SHISA6: variants seen among roughly 807,000 people sequenced by gnomAD.
SHISA6 encodes the protein protein shisa-6.
Under a neutral mutation model 47.9 loss-of-function variants are expected in SHISA6, and 22 were observed. The ratio of observed to expected loss-of-function variants is 0.46; its 90% CI spans 0.33 to 0.66. SHISA6 has a LOEUF of 0.66. SHISA6 is among the 30% of genes least tolerant of loss of function. The pLI, the probability that SHISA6 is intolerant of heterozygous loss-of-function variation, is 0.02. For synonymous variants in SHISA6, 388 were observed against 337.8 expected, an observed-to-expected ratio of 1.15 and a Z score of -1.63; for missense variants, 680 against 764.6, an observed-to-expected ratio of 0.89 and a Z score of 1.30.
At chr17:11,450,004 C>T (rs28676477) in intron 3 of SHISA6, among the ~76,000 whole-genome samples, 34,633 of 152,088 alleles carry the variant, frequency 0.23, 4,182 homozygotes, top group South Asian at 0.34. Context: ...CCTGCGTCAG[C>T]CTCCCAAGTA....
At position 11,260,506 on chromosome 17, in the gene SHISA6, C is replaced by T. The variant is rs557776904; in HGVS notation, c.639-2860C>T. Among the ~76,000 whole-genome samples the T allele has an allele frequency of 2.4e-3, 359 of 152,052 alleles. 1 individual carries two copies. The highest frequency in any genetic ancestry group is 7.8e-3 in the African/African-American group (324 of 41,454). On this transcript the variant is annotated intron_variant, in intron 1 of 5. Transcript: ENST00000441885. ...CTCTCTCCGTCTGACTCTTCCCCTC[C>T]GAATGTCTCTCTCTGACCCCCTTTC...
rs115574864 is a variant in SHISA6 at position 11,330,628 on chromosome 17, G to T, written c.800-48786G>T. On this transcript the variant is annotated intron_variant, in intron 2 of 5. Coordinates refer to ENST00000441885, the MANE Select transcript of SHISA6 (RefSeq NM_207386.4). ...GATGCAGACAAATCACCTTCCCTGA[G>T]CTTCCCTGGGGTCCAAGTTAAAAGG... Among the ~76,000 whole-genome samples, 267 of 152,240 alleles carry T rather than the reference G, an allele frequency of 1.8e-3. 2 individuals are homozygous for T. Among genetic ancestry groups the T allele is most frequent in the African/African-American group, 6.2e-3 (257 of 41,542 alleles).
intron 2 of SHISA6, among the ~76,000 whole-genome samples, chr17:11,269,043 TG>T (rs1240082282): frequency 4.3e-5 from 6 of 139,524 alleles, no homozygotes; most frequent in African/African-American, 1.9e-4. Flanking sequence ...TTTGTTTGTC[TG>T]TTTTGTTTTT....
chr17:11,476,152 T>G (rs1355366277), intron 3 of SHISA6, among the ~76,000 whole-genome samples: 4 of 152,086 alleles, frequency 2.6e-5, no homozygotes, highest in Non-Finnish European at 5.9e-5. Flanking sequence ...CTTTCTAGTA[T>G]TAGTGATTTG....
intron 1 of SHISA6, among the ~76,000 whole-genome samples, chr17:11,251,211 G>T (rs1298247082): frequency 6.6e-6 from 1 of 151,146 alleles, no homozygotes; most frequent in Non-Finnish European, 1.5e-5. Flanking sequence ...CCTGGGACTG[G>T]TTATCATAGT....
rs2072028782 is a variant in SHISA6, at chr17:11,560,195, C to T, written c.*1891C>T. 1 of 152,254 alleles carries T rather than the reference C, an allele frequency of 6.6e-6. No homozygotes were observed. The highest frequency in any genetic ancestry group is 1.5e-5 in the Non-Finnish European group (1 of 68,108). The allele number at this position is 152,254 out of a possible 1,614,324, so 9.4% of individuals were successfully genotyped here. ...AGTTCCAAAGCTCTCATCTCCTTCT[C>T]CCCTCTGCAGGGTGTGCCTCCCAAC... On this transcript the variant is annotated 3_prime_UTR_variant, in exon 6 of 6. Transcript: ENST00000441885.
Position 11,558,081 on chromosome 17 carries a change from C to G in SHISA6, c.1433C>G (p.Thr478Arg). Residue 478 changes from threonine (T) to arginine (R), a missense_variant, in exon 6 of 6, where the codon ACG (threonine) becomes AGG (arginine). Transcript: ENST00000441885. ...EQSLSRAISH[T>R]DVFVSTPVLD... Reference sequence around the variant, plus strand: ...TCGCTGTCCAGGGCCATCTCGCACACGGACGTCTTTGTGTCCACACCCGTG... The same window carrying G: ...TCGCTGTCCAGGGCCATCTCGCACAGGGACGTCTTTGTGTCCACACCCGTG... 1.3e-6 allele frequency: 2 copies of G among 1,551,624 alleles called. No individual in the cohort carries two copies. Among genetic ancestry groups the G allele is most frequent in the Non-Finnish European group, 1.7e-6 (2 of 1,146,988 alleles).
At chr17:11,323,929 T>G (rs896722145) in intron 2 of SHISA6, among the ~76,000 whole-genome samples, 10 of 152,148 alleles carry the variant, frequency 6.6e-5, no homozygotes, top group Admixed American at 6.5e-4. Context: ...TTTCATTTAC[T>G]TTTTGCTGCA....
intron 3 of SHISA6, among the ~76,000 whole-genome samples, chr17:11,426,499 G>T (rs1914614407): frequency 6.6e-6 from 1 of 152,212 alleles, no homozygotes; most frequent in Non-Finnish European, 1.5e-5. Flanking sequence ...AGCAAGAGAT[G>T]ATGGGTGCAG....
intron 2 of SHISA6, among the ~76,000 whole-genome samples, chr17:11,284,999 A>G (rs1909248286): frequency 6.6e-6 from 1 of 152,180 alleles, no homozygotes; most frequent in African/African-American, 2.4e-5. Flanking sequence ...CCTGCTACTC[A>G]GCTCAGGATG....
chr17:11,355,033 T>C (rs1377570977), intron 2 of SHISA6, among the ~76,000 whole-genome samples: 1 of 152,216 alleles, frequency 6.6e-6, no homozygotes, highest in Non-Finnish European at 1.5e-5. Context: ...TATCTCCCAA[T>C]AAATGCAGGT....
chr17:11,269,778 G>T lies in SHISA6; in HGVS notation c.799+6252G>T, dbSNP rs149285043. Among the ~76,000 whole-genome samples, 744 of 152,202 alleles carry T rather than the reference G, an allele frequency of 4.9e-3. 5 individuals carry two copies. Among genetic ancestry groups the T allele is most frequent in the African/African-American group, 0.017 (699 of 41,516 alleles). On this transcript the variant is annotated intron_variant, in intron 2 of 5. Coordinates refer to ENST00000441885, the MANE Select transcript of SHISA6 (RefSeq NM_207386.4). ...GATTAGCTGGCCAGAATTATGCTTG[G>T]CCTGTGAGGAAACTGAGGCACACAG...
intron 3 of SHISA6, among the ~76,000 whole-genome samples, chr17:11,511,752 C>T (rs1222318851): frequency 6.6e-6 from 1 of 152,248 alleles, no homozygotes; most frequent in Non-Finnish European, 1.5e-5. Flanking sequence ...CACTCCACCA[C>T]GTTCCTTCTG....
At chr17:11,503,259 C>G (rs1016169494) in intron 3 of SHISA6, among the ~76,000 whole-genome samples, 1 of 152,172 alleles carries the variant, frequency 6.6e-6, no homozygotes, top group African/African-American at 2.4e-5. Context: ...GAAGGCAGTT[C>G]TTACCATGCA....
chr17:11,455,545 G>A (rs977010989), intron 3 of SHISA6, among the ~76,000 whole-genome samples: 18 of 152,046 alleles, frequency 1.2e-4, no homozygotes, highest in African/African-American at 3.1e-4. Context: ...GTGTACAAGC[G>A]TGGAAGTGTG....
intron 2 of SHISA6, among the ~76,000 whole-genome samples, chr17:11,354,120 C>T (rs1439531652): frequency 1.3e-5 from 2 of 152,166 alleles, no homozygotes; most frequent in Non-Finnish European, 2.9e-5. Context: ...ATGAAAATGT[C>T]TCCGGACATT....
chr17:11,274,456 C>T (rs538031481), intron 2 of SHISA6, among the ~76,000 whole-genome samples: 1 of 152,294 alleles, frequency 6.6e-6, no homozygotes, highest in East Asian at 1.9e-4. Context: ...GCAAGGGCGG[C>T]CCTGAGCAGC....
chr17:11,418,130 C>CA (rs1429480866), intron 3 of SHISA6, among the ~76,000 whole-genome samples: 1 of 152,000 alleles, frequency 6.6e-6, no homozygotes, highest in African/African-American at 2.4e-5. Flanking sequence ...AAAGTAGCAC[C>CA]AAAAAATGTG....
chr17:11,394,998 C>CTTTTTTTTTTTTTT (rs772109588), intron 3 of SHISA6, among the ~76,000 whole-genome samples: 3 of 95,068 alleles, frequency 3.2e-5, no homozygotes, highest in Non-Finnish European at 6.3e-5. Flanking sequence ...TTTTTCTTTT[C>CTTTTTTTTTTTTTT]TTTTTTTTTT....
Sources: allele counts gnomAD v4.1 joint callset (sites outside exome capture counted in the v4.1 genomes callset), GRCh38; gene constraint gnomAD v4.1.1; transcripts MANE v1.5; gene names NCBI Gene and HGNC (gene_info 2026-07-23, HGNC 2026-07-21).